CDK6: variants seen among roughly 807,000 people sequenced by gnomAD.
CDK6 encodes the protein cyclin dependent kinase 6, also known as cyclin-dependent kinase 6.
CDK6 carries 6 observed loss-of-function variants against 37.1 expected under a neutral mutation model. The observed-to-expected ratio is 0.16, with a 90% CI of 0.09 to 0.32. The LOEUF (loss-of-function observed/expected upper bound fraction) is 0.32. CDK6 is among the 10% of genes least tolerant of loss of function. CDK6 has a pLI of 1.00. For missense variants in CDK6, 224 were observed against 418.9 expected, an observed-to-expected ratio of 0.53 and a Z score of 4.06; for synonymous variants, 160 against 161.3, an observed-to-expected ratio of 0.99 and a Z score of 0.06.
chr7:92,666,659 G>T (rs1457436229), intron 5 of CDK6, among the ~76,000 whole-genome samples: 1 of 152,148 alleles, frequency 6.6e-6, no homozygotes, highest in East Asian at 1.9e-4. Context: ...GAAGCTGAAT[G>T]ATTCCTATCT....
rs369625285 is a variant in CDK6 at position 92,772,641 on chromosome 7, CCT to C, written c.369+2053_369+2054del. ...CTCCATCCTGGCTCAGCCACTGCCC[CCT>C]GTCTTCTCCTCCCCTTTCTTACTTT... On this transcript the variant is annotated intron_variant, in intron 3 of 7. Coordinates refer to ENST00000424848, the MANE Select transcript of CDK6 (RefSeq NM_001145306.2). Among the ~76,000 whole-genome samples the C allele has an allele frequency of 2.0e-3, 306 of 152,246 alleles. 1 individual carries two copies. Among genetic ancestry groups the C allele is most frequent in the African/African-American group, 7.0e-3 (292 of 41,526 alleles).
At chr7:92,615,955 C>T (rs1795668415) in intron 7 of CDK6, among the ~76,000 whole-genome samples, 1 of 152,122 alleles carries the variant, frequency 6.6e-6, no homozygotes, top group African/African-American at 2.4e-5. Context: ...AGAATGTGTC[C>T]CTAATTTCAG....
At chr7:92,678,598 C>A (rs1797261258) in intron 4 of CDK6, among the ~76,000 whole-genome samples, 1 of 152,216 alleles carries the variant, frequency 6.6e-6, no homozygotes, top group Non-Finnish European at 1.5e-5. Context: ...ACCGCTCTCA[C>A]TTGATGTTAT....
At chr7:92,722,536 G>A (rs1395561960) in intron 4 of CDK6, among the ~76,000 whole-genome samples, 1 of 152,188 alleles carries the variant, frequency 6.6e-6, no homozygotes, top group Non-Finnish European at 1.5e-5. Context: ...TTTGAACACA[G>A]ATATGTGCTG....
chr7:92,725,439 C>T (rs2116708527), intron 4 of CDK6, 187 bp downstream of exon 4: 1 of 692,352 alleles, frequency 1.4e-6, no homozygotes, highest in East Asian at 1.3e-4. Flanking sequence ...CAAGCCCAGG[C>T]TGGATGTGAC....
intron 2 of CDK6, among the ~76,000 whole-genome samples, chr7:92,822,836 C>A (rs562418114): frequency 2.0e-5 from 3 of 152,166 alleles, no homozygotes; most frequent in African/African-American, 7.2e-5. Context: ...CTAAATATGG[C>A]AGAATTTTCA....
chr7:92,803,330 C>A lies in CDK6; in HGVS notation c.234-28499G>T, dbSNP rs558272960. ...CACTGTAGGACAAGATATAACACAA[C>A]ACTAAACCAGGTGATATAAACTTCA... On this transcript the variant is annotated intron_variant, in intron 2 of 7. Transcript: ENST00000424848. Among the ~76,000 whole-genome samples, 7 of 152,292 alleles carry A rather than the reference C, an allele frequency of 4.6e-5. No individual in the cohort carries two copies. In the South Asian group the frequency reaches 1.4e-3, roughly 32 times the overall value.
intron 4 of CDK6, among the ~76,000 whole-genome samples, chr7:92,707,984 C>T (rs1441347665): frequency 6.6e-6 from 1 of 152,128 alleles, no homozygotes; most frequent in African/African-American, 2.4e-5. Flanking sequence ...TGAACAGACT[C>T]TTACTGGATT....
At chr7:92,644,122 A>G (rs896151959) in intron 5 of CDK6, among the ~76,000 whole-genome samples, 1 of 152,202 alleles carries the variant, frequency 6.6e-6, no homozygotes, top group African/African-American at 2.4e-5. Flanking sequence ...ACTCACAACC[A>G]AAAGGCTTTT....
chr7:92,775,278 G>C (rs1799822086), intron 2 of CDK6, among the ~76,000 whole-genome samples: 1 of 152,144 alleles, frequency 6.6e-6, no homozygotes, highest in Admixed American at 6.5e-5. Context: ...TGGAATTTAA[G>C]GTGTCACAAC....
chr7:92,788,454 T>C (rs1187199439), intron 2 of CDK6, among the ~76,000 whole-genome samples: 1 of 152,248 alleles, frequency 6.6e-6, no homozygotes, highest in Non-Finnish European at 1.5e-5. Flanking sequence ...AACTATTTTT[T>C]AAAATTAAAG....
rs574508802 is a variant in CDK6 at position 92,762,357 on chromosome 7, C to T, written c.369+12339G>A. Among the ~76,000 whole-genome samples, 4 of 152,170 alleles carry T rather than the reference C, an allele frequency of 2.6e-5. No homozygotes were observed. The South Asian group carries it at 6.2e-4, about 24-fold the overall frequency. ...ATTCTTGAACCCCATCCTCCCGACC[C>T]GGAATATATTTTGGTAGAGGAAGGA... On this transcript the variant is annotated intron_variant, in intron 3 of 7. Transcript: ENST00000424848.
chr7:92,659,470 C>T (rs193151583), intron 5 of CDK6, among the ~76,000 whole-genome samples: 24 of 152,186 alleles, frequency 1.6e-4, no homozygotes, highest in Non-Finnish European at 3.2e-4. Context: ...TAAAATGCAG[C>T]TACTAGAAAA....
intron 3 of CDK6, among the ~76,000 whole-genome samples, chr7:92,770,164 A>G (rs962910584): frequency 3.3e-5 from 5 of 152,180 alleles, no homozygotes; most frequent in Non-Finnish European, 5.9e-5. Flanking sequence ...GAAAATTAGA[A>G]TATCTGTTGA....
chr7:92,740,114 C>T (rs1798883960), intron 3 of CDK6, among the ~76,000 whole-genome samples: 1 of 152,140 alleles, frequency 6.6e-6, no homozygotes, highest in Non-Finnish European at 1.5e-5. Flanking sequence ...CCACTGTTCA[C>T]TATAAGACAA....
intron 3 of CDK6, among the ~76,000 whole-genome samples, chr7:92,771,851 GGCTTCC>G (rs1264742335): frequency 2.0e-5 from 3 of 152,078 alleles, no homozygotes; most frequent in Non-Finnish European, 4.4e-5. Flanking sequence ...TAGTTATTAA[GGCTTCC>G]CATAAATGAG....
intron 5 of CDK6, among the ~76,000 whole-genome samples, chr7:92,635,723 G>A (rs1796154804): frequency 6.6e-6 from 1 of 152,056 alleles, no homozygotes; most frequent in African/African-American, 2.4e-5. Flanking sequence ...AAAATTCAAT[G>A]CTGTTATTTT....
intron 5 of CDK6, among the ~76,000 whole-genome samples, chr7:92,639,022 C>G (rs1003679506): frequency 6.6e-6 from 1 of 152,274 alleles, no homozygotes; most frequent in Admixed American, 6.5e-5. Flanking sequence ...ACACTGTGTT[C>G]AGATTCTCCT....
chr7:92,615,021 C>T lies in CDK6; in HGVS notation c.*119G>A. ...GGAGAAGCAGAGCCTGTCCAGAAGACAGCAGCTGGAAGGCCTCCAGATAGC... is the reference window on the plus strand; with the variant it reads ...GGAGAAGCAGAGCCTGTCCAGAAGATAGCAGCTGGAAGGCCTCCAGATAGC... On this transcript the variant is annotated 3_prime_UTR_variant, in exon 8 of 8. Transcript: ENST00000424848. 2.0e-6 allele frequency: 2 copies of T among 993,930 alleles called. No homozygotes were observed. Among genetic ancestry groups the T allele is most frequent in the Non-Finnish European group, 3.0e-6 (2 of 676,752 alleles). The allele number at this position is 993,930 out of a possible 1,614,324, so 61.6% of individuals were successfully genotyped here.
Sources: gnomAD v4.1 joint callset for allele counts (sites outside exome capture counted in the v4.1 genomes callset) on GRCh38, gnomAD v4.1.1 for gene constraint, MANE v1.5 for transcripts, NCBI Gene and HGNC (gene_info 2026-07-23, HGNC 2026-07-21) for gene names.